The following FANCB variants were observed in gnomAD, a reference collection of about 807,000 sequenced individuals.
The protein encoded by FANCB is Fanconi anemia group B protein.
A neutral mutation model predicts 38.9 loss-of-function variants in FANCB; 5 were observed. The observed-to-expected ratio is 0.13, with a 90% CI of 0.07 to 0.27. The LOEUF is 0.27. Ranked by LOEUF, FANCB falls within the 10% of genes least tolerant of loss-of-function variation. The pLI is 1.00. For synonymous variants in FANCB, 236 were observed against 215.4 expected (o/e 1.10, Z -0.84); for missense variants, 573 against 602.7 (o/e 0.95, Z 0.52).
chrX:14,857,880 A>G lies in FANCB; in HGVS notation c.1179T>C (p.Pro393=), dbSNP rs764156696. The G allele has an allele frequency of 5.9e-6, 7 of 1,185,949 alleles. No individual in the cohort carries two copies. The highest frequency in any genetic ancestry group is 2.2e-5 in the Admixed American group (1 of 45,617). ...CACTAACTTTCAGTCCTGTTTCTAG[A>G]GGTGGAACCACCAGGTAACGATTCT... ...KQENRYLVVP[P]LETGLKVCFS... The change falls in exon 5 of 10, where the codon CCT becomes CCC. Residue 393 remains proline, a synonymous_variant. Coordinates refer to ENST00000650831, the MANE Select transcript of FANCB (RefSeq NM_001018113.3).
At chrX:14,699,601 T>G in the FANCB span, among the ~76,000 whole-genome samples, 1 of 111,957 alleles carries the variant, frequency 8.9e-6, no homozygotes, top group Non-Finnish European at 1.9e-5. Flanking sequence ...TCTAGATATT[T>G]TGAAATATAC....
the FANCB span, among the ~76,000 whole-genome samples, chrX:14,728,771 C>G: frequency 8.9e-6 from 1 of 112,395 alleles, no homozygotes; most frequent in Non-Finnish European, 1.9e-5. Flanking sequence ...GGGTACTACA[C>G]TAATTTAGCT....
chrX:14,769,405 C>T, the FANCB span, among the ~76,000 whole-genome samples: 3 of 111,465 alleles, frequency 2.7e-5, no homozygotes, highest in Non-Finnish European at 5.7e-5. Flanking sequence ...GTTATGTGTT[C>T]AGGAATTTAT....
Position 14,845,062 on chromosome X carries a change from C to G in FANCB, c.1721G>C (p.Cys574Ser). ...TGTTACAGCAGTAATTATCTGTACA[C>G]ACTCTTTCTTAGATGGGTGTTCACA... ...FVCEHPSKKE[C>S]VQIITAVTSL... Residue 574 changes from cysteine (C) to serine (S), a missense_variant, in exon 8 of 10, where the codon TGT becomes TCT. Transcript: ENST00000650831. The G allele has an allele frequency of 1.7e-6, 2 of 1,208,087 alleles. No individual in the cohort carries two copies. Among genetic ancestry groups the G allele is most frequent in the Non-Finnish European group, 2.2e-6 (2 of 891,967 alleles).
chrX:14,820,190 T>C, the FANCB span, among the ~76,000 whole-genome samples: 2 of 111,067 alleles, frequency 1.8e-5, no homozygotes, highest in Non-Finnish European at 1.9e-5. Flanking sequence ...TCTTTCTCTA[T>C]CTCCATCCCT....
the FANCB span, among the ~76,000 whole-genome samples, chrX:14,808,890 A>T: frequency 8.9e-6 from 1 of 112,668 alleles, no homozygotes; most frequent in South Asian, 3.7e-4. Context: ...ATCAACAAAA[A>T]TCGGTAGCAT....
the FANCB span, among the ~76,000 whole-genome samples, chrX:14,795,294 T>G: frequency 1.3e-4 from 15 of 112,097 alleles, no homozygotes; most frequent in Non-Finnish European, 2.6e-4. Context: ...GTAACTATAT[T>G]CCATTAAATG....
the FANCB span, among the ~76,000 whole-genome samples, chrX:14,827,384 A>G: frequency 8.9e-6 from 1 of 112,103 alleles, no homozygotes; most frequent in Non-Finnish European, 1.9e-5. Context: ...TTTTAAAGCC[A>G]TTTTTTGAAA....
downstream of FANCB, among the ~76,000 whole-genome samples, chrX:14,839,199 C>G (rs774986457): frequency 9.0e-6 from 1 of 110,992 alleles, no homozygotes; most frequent in East Asian, 2.8e-4. Context: ...GAAGCTAAGG[C>G]AGGAGAATCA....
chrX:14,771,556 G>A, the FANCB span, among the ~76,000 whole-genome samples: 1 of 111,198 alleles, frequency 9.0e-6, no homozygotes, highest in Non-Finnish European at 1.9e-5. Context: ...ATGATTCTTC[G>A]CTTCTTTTCA....
chrX:14,772,703 C>A, the FANCB span, among the ~76,000 whole-genome samples: 1 of 111,114 alleles, frequency 9.0e-6, no homozygotes, highest in East Asian at 2.8e-4. Context: ...GCAGGGGATC[C>A]CAGGGCCAGA....
chrX:14,752,799 T>A, the FANCB span, among the ~76,000 whole-genome samples: 1 of 111,952 alleles, frequency 8.9e-6, no homozygotes, highest in East Asian at 2.8e-4. Context: ...TCAAGGTTTT[T>A]CTTTTTACTT....
chrX:14,828,967 C>T, the FANCB span, among the ~76,000 whole-genome samples: 10 of 111,660 alleles, frequency 9.0e-5, no homozygotes, highest in African/African-American at 3.3e-4. Context: ...GCCCTGGCCT[C>T]CCAAAGTGTT....
chrX:14,800,053 T>C, the FANCB span, among the ~76,000 whole-genome samples: 5 of 112,009 alleles, frequency 4.5e-5, no homozygotes, highest in Non-Finnish European at 9.4e-5. Context: ...CCTCAGTCTA[T>C]TCAGATAACA....
chrX:14,770,327 T>C, the FANCB span, among the ~76,000 whole-genome samples: 1 of 112,287 alleles, frequency 8.9e-6, no homozygotes, highest in Non-Finnish European at 1.9e-5. Flanking sequence ...GGTGCTCTTA[T>C]ATTGGGTGCA....
the FANCB span, among the ~76,000 whole-genome samples, chrX:14,715,380 C>G: frequency 8.9e-6 from 1 of 112,089 alleles, no homozygotes; most frequent in Non-Finnish European, 1.9e-5. Context: ...TTTCATATTA[C>G]CATTCACTTA....
chrX:14,792,067 A>G, the FANCB span, among the ~76,000 whole-genome samples: 1 of 111,712 alleles, frequency 9.0e-6, no homozygotes. Context: ...AATCTTTTAC[A>G]TTGGAAAAGC....
chrX:14,820,839 G>A, the FANCB span, among the ~76,000 whole-genome samples: 347 of 111,199 alleles, frequency 3.1e-3, 1 homozygote, highest in African/African-American at 0.01. Context: ...CTGGGGGGAT[G>A]GTATACAGGA....
the FANCB span, among the ~76,000 whole-genome samples, chrX:14,734,559 C>T: frequency 2.2e-4 from 25 of 112,049 alleles, no homozygotes; most frequent in Non-Finnish European, 3.4e-4. Flanking sequence ...CCCCCACTCT[C>T]TTCTGGTTTG....
Sources: allele counts gnomAD v4.1 joint callset (sites outside exome capture counted in the v4.1 genomes callset), GRCh38; gene constraint gnomAD v4.1.1; transcripts MANE v1.5; gene names NCBI Gene and HGNC (gene_info 2026-07-23, HGNC 2026-07-21).